ZNF280C: variants seen among roughly 807,000 people sequenced by gnomAD.
ZNF280C encodes the protein suppressor of hairy wing homolog 3.
ZNF280C carries 14 observed loss-of-function variants against 53.6 expected under a neutral mutation model. The observed-to-expected ratio is 0.26, with a 90% CI of 0.17 to 0.41. The LOEUF (loss-of-function observed/expected upper bound fraction) is 0.41, where lower values mean the gene tolerates loss of function less well. ZNF280C is among the 10% of genes least tolerant of loss of function. ZNF280C has a pLI of 1.00. For missense variants in ZNF280C, 416 were observed against 547.1 expected, an observed-to-expected ratio of 0.76 and a Z score of 2.39; for synonymous variants, 203 against 181.1, an observed-to-expected ratio of 1.12 and a Z score of -0.97.
chrX:130,250,600 A>C (rs1189963832), intron 2 of ZNF280C, among the ~76,000 whole-genome samples: 1 of 112,018 alleles, frequency 8.9e-6, no homozygotes, highest in Admixed American at 9.5e-5. Flanking sequence ...GAAGCCCTGA[A>C]TAGAATAATA....
rs777289575 is a variant in ZNF280C, at chrX:130,204,070, T to C, written c.*907A>G. On this transcript the variant is annotated 3_prime_UTR_variant, in exon 19 of 19. Transcript: ENST00000370978. ...TGAACAACTGTGTCTTTGGGAACTG[T>C]AATTGTAGAAATTTTCTTTATCCAA... 1 of 111,934 alleles carries C rather than the reference T, an allele frequency of 8.9e-6. No homozygotes were observed. The highest frequency in any genetic ancestry group is 3.7e-4 in the South Asian group (1 of 2,712). The allele number at this position is 111,934 out of a possible 1,213,427, so 9.2% of individuals were successfully genotyped here.
chrX:130,251,290 A>AAAAAAAAAAAAAC (rs1260015168), intron 2 of ZNF280C, among the ~76,000 whole-genome samples: 1 of 97,056 alleles, frequency 1.0e-5, no homozygotes, highest in Non-Finnish European at 2.1e-5. Flanking sequence ...CTCAAAAAAA[A>AAAAAAAAAAAAAC]AAAAAAAAAA....
intron 2 of ZNF280C, among the ~76,000 whole-genome samples, chrX:130,253,039 C>T (rs57942040): frequency 0.063 from 6,984 of 111,544 alleles, 535 homozygotes; most frequent in African/African-American, 0.21. Context: ...CCCAAAAGTG[C>T]CTTAAGCTGA....
At chrX:130,236,366 A>G in intron 7 of ZNF280C, 46 bp from the exon 8 acceptor site, 1 of 1,137,122 alleles carries the variant, frequency 8.8e-7, no homozygotes, top group South Asian at 2.0e-5. Flanking sequence ...ATCTTTTTAA[A>G]ACCTTAAATG....
chrX:130,234,905 G>A (rs963930874), intron 8 of ZNF280C, among the ~76,000 whole-genome samples: 1 of 111,562 alleles, frequency 9.0e-6, no homozygotes, highest in Non-Finnish European at 1.9e-5. Flanking sequence ...ATTATGGATT[G>A]AGTTAAAACT....
intron 14 of ZNF280C, 43 bp from the exon 15 acceptor site, chrX:130,215,376 A>G (rs766550727): frequency 2.8e-6 from 3 of 1,085,382 alleles, no homozygotes; most frequent in Non-Finnish European, 3.7e-6. Flanking sequence ...ATTATAAAAC[A>G]AAAATAACAG....
intron 15 of ZNF280C, among the ~76,000 whole-genome samples, chrX:130,211,416 G>A (rs933070956): frequency 3.7e-4 from 42 of 112,135 alleles, no homozygotes; most frequent in South Asian, 3.7e-4. Context: ...TCAATTTTGA[G>A]GGCCTGTCTT....
At position 130,215,874 on chromosome X, in the gene ZNF280C, A is replaced by G; in HGVS notation, c.1755T>C (p.Ala585=). The G allele has an allele frequency of 8.3e-7, 1 of 1,211,518 alleles. No homozygotes were observed. The highest frequency in any genetic ancestry group is 1.1e-6 in the Non-Finnish European group (1 of 895,314). Residue 585 remains alanine (A), a synonymous_variant, in exon 14 of 19, where the codon GCT becomes GCC. Transcript: ENST00000370978. ...TGTAAGAGGGTTTTGCTTTGGACTT[A>G]GCTATACGTCCCCTTGGCTTACTTG... ...VNTSKPRGRI[A]KSKAKPSYKQ...
chrX:130,228,594 A>G (rs1210036743), intron 10 of ZNF280C, among the ~76,000 whole-genome samples: 4 of 97,478 alleles, frequency 4.1e-5, no homozygotes, highest in Non-Finnish European at 2.1e-5. Context: ...AGGGACTTCA[A>G]TTTTAACAGT....
intron 8 of ZNF280C, among the ~76,000 whole-genome samples, chrX:130,235,113 T>C (rs925026710): frequency 1.8e-5 from 2 of 112,404 alleles, no homozygotes; most frequent in Admixed American, 1.9e-4. Flanking sequence ...GCTTTCACTT[T>C]ACACAAAAGA....
At chrX:130,205,441 A>T in intron 16 of ZNF280C, 26 bp from the exon 17 acceptor site, 1 of 989,122 alleles carries the variant, frequency 1.0e-6, no homozygotes, top group Non-Finnish European at 1.4e-6. Flanking sequence ...AGACAGTAAG[A>T]AATATTCTTA....
intron 13 of ZNF280C, among the ~76,000 whole-genome samples, chrX:130,216,915 G>A (rs1365327873): frequency 9.0e-6 from 1 of 111,608 alleles, no homozygotes; most frequent in Non-Finnish European, 1.9e-5. Context: ...CAGGAAAATT[G>A]CTTGAACCCA....
intron 5 of ZNF280C, among the ~76,000 whole-genome samples, 193 bp from the exon 6 acceptor site, chrX:130,239,886 T>C (rs757526709): frequency 9.0e-6 from 1 of 111,410 alleles, no homozygotes; most frequent in East Asian, 2.8e-4. Flanking sequence ...TTTTTGTAAT[T>C]TTTCTGTAAA....
At position 130,205,357 on chromosome X, in the gene ZNF280C, G is replaced by A. The variant is rs1404846103; in HGVS notation, c.2101C>T (p.Arg701Cys). 3 of 1,206,242 alleles carry A rather than the reference G, an allele frequency of 2.5e-6. No homozygotes were observed. Among genetic ancestry groups the A allele is most frequent in the South Asian group, 1.8e-5 (1 of 56,302 alleles). Residue 701 changes from arginine (R) to cysteine (C), a missense_variant, in exon 17 of 19, where the codon CGT becomes TGT. Arg to Cys is a radical substitution (Grantham distance 180, BLOSUM62 -3). Around this residue, in one of 3 missense-constraint regions of ZNF280C, gnomAD observed 151 missense variants for 176.9 expected, o/e 0.85. Transcript: ENST00000370978. ...DFLADSSGLD[R>C]MAKHLSQRKT... ...CGTTGACTTAAGTGTTTAGCCATACGATCTAAGCCGGAAGAATCAGCTAGG... is the reference window on the plus strand; with the variant it reads ...CGTTGACTTAAGTGTTTAGCCATACAATCTAAGCCGGAAGAATCAGCTAGG...
intron 2 of ZNF280C, among the ~76,000 whole-genome samples, chrX:130,247,584 CAGAT>C (rs1170580646): frequency 9.0e-5 from 10 of 111,317 alleles, no homozygotes; most frequent in African/African-American, 1.3e-4. Context: ...CTTGGCTAGA[CAGAT>C]AGATAATGAA....
chrX:130,252,715 T>C (rs1395776597), intron 2 of ZNF280C, among the ~76,000 whole-genome samples: 2 of 53,826 alleles, frequency 3.7e-5, no homozygotes, highest in African/African-American at 4.0e-4. Flanking sequence ...TGAGACTCCG[T>C]CTCAAAAAAA....
rs1017497942 is a variant in ZNF280C at position 130,209,349 on chromosome X, CAT to C, written c.2042+302_2042+303del. On this transcript the variant is annotated intron_variant, in intron 16 of 18. Transcript: ENST00000370978. ...AACTTATATACTTTAATTCTAAAAACATTAACAATTATGAAGGCTATATATTG... is the reference window on the plus strand; with the variant it reads ...AACTTATATACTTTAATTCTAAAAACTAACAATTATGAAGGCTATATATTG... Among the ~76,000 whole-genome samples the C allele has an allele frequency of 4.5e-5, 5 of 112,186 alleles. No homozygotes were observed. The East Asian group carries it at 8.3e-4, about 19-fold the overall frequency.
intron 12 of ZNF280C, among the ~76,000 whole-genome samples, chrX:130,221,522 G>T (rs2032163975): frequency 9.0e-6 from 1 of 111,140 alleles, no homozygotes; most frequent in African/African-American, 3.3e-5. Flanking sequence ...CCCGAGTGGG[G>T]AAGGGCACAA....
At chrX:130,222,898 C>T (rs1379387727) in intron 12 of ZNF280C, among the ~76,000 whole-genome samples, 1 of 111,690 alleles carries the variant, frequency 9.0e-6, no homozygotes. Context: ...CCACCCTCCT[C>T]GGTCTCCCAA....
Sources: allele counts gnomAD v4.1 joint callset (sites outside exome capture counted in the v4.1 genomes callset), GRCh38; gene constraint gnomAD v4.1.1; regional missense constraint gnomAD v4.1.1; transcripts MANE v1.5; gene names NCBI Gene and HGNC (gene_info 2026-07-23, HGNC 2026-07-21).